NPLOC4: variants seen among roughly 807,000 people sequenced by gnomAD.
The protein encoded by NPLOC4 is NPL4 homolog, ubiquitin recognition factor.
Under a neutral mutation model 80.6 loss-of-function variants are expected in NPLOC4, and 18 were observed. The observed-to-expected ratio is 0.22, with a 90% CI of 0.15 to 0.33. The LOEUF is 0.33. Among genes scored for constraint, NPLOC4 ranks in the 10% least tolerant of loss-of-function variants. The pLI, the probability that NPLOC4 is intolerant of heterozygous loss-of-function variation, is 1.00. For synonymous variants in NPLOC4, 313 were observed against 301.5 expected, an observed-to-expected ratio of 1.04 and a Z score of -0.39; for missense variants, 540 against 786.1, an observed-to-expected ratio of 0.69 and a Z score of 3.74.
chr17:81,616,901 A>G (rs2035509252), intron 3 of NPLOC4, among the ~76,000 whole-genome samples: 1 of 152,196 alleles, frequency 6.6e-6, no homozygotes, highest in South Asian at 2.1e-4. Flanking sequence ...TGAGTGACAG[A>G]GGCTATCCAA....
chr17:81,604,184 T>C (rs903004215), intron 8 of NPLOC4, among the ~76,000 whole-genome samples: 1 of 152,122 alleles, frequency 6.6e-6, no homozygotes, highest in Non-Finnish European at 1.5e-5. Flanking sequence ...GCCTTCTCCA[T>C]GGTTCCTAAG....
intron 2 of NPLOC4, among the ~76,000 whole-genome samples, chr17:81,627,178 CAGG>C (rs1382239476): frequency 6.6e-6 from 1 of 151,120 alleles, no homozygotes; most frequent in Non-Finnish European, 1.5e-5. Flanking sequence ...ATCATGAGGT[CAGG>C]AGATCGAGAC....
intron 3 of NPLOC4, among the ~76,000 whole-genome samples, chr17:81,616,407 G>C (rs190802132): frequency 6.6e-6 from 1 of 151,096 alleles, no homozygotes; most frequent in African/African-American, 2.4e-5. Context: ...AATATAACCT[G>C]TCATAAGAAC....
rs1465024266 is a variant in NPLOC4 at position 81,572,413 on chromosome 17, G to C, written c.1282-325C>G. 6.6e-6 allele frequency among the ~76,000 whole-genome samples: 1 copy of C among 151,860 alleles called. No individual in the cohort carries two copies. The highest frequency in any genetic ancestry group is 2.4e-5 in the African/African-American group (1 of 41,312). On this transcript the variant is annotated intron_variant, in intron 12 of 16. Coordinates refer to ENST00000331134, the MANE Select transcript of NPLOC4 (RefSeq NM_017921.4). This position sits in a 1 kb window ranked among gnomAD's most constrained non-coding sequence, Gnocchi z 4.5. ...TCACTGTGTTTGCCAGGATGGTCTC[G>C]ATCTCCTGACCTCGTGATCCACCCG...
In NPLOC4 at chr17:81,613,427, C is replaced by G. The variant is rs759262681; in HGVS notation, c.277G>C (p.Val93Leu). ...AGPSSEMETS[V>L]PPGFKVFGAP... The stretch of plus-strand genomic sequence containing the variant: ...CCAAAGACTTTGAAGCCCGGTGGAA[C>G]TGACGTCTCCATTTCAGATGAGGGC... The change falls in exon 4 of 17, where the codon GTT becomes CTT. Residue 93 changes from valine to leucine, a missense_variant. This residue lies in a region of NPLOC4 where 74 missense variants were observed against 75.7 expected (regional missense o/e 0.98). Coordinates refer to ENST00000331134, the MANE Select transcript of NPLOC4 (RefSeq NM_017921.4). The G allele has an allele frequency of 6.2e-7, 1 of 1,613,958 alleles. No individual in the cohort carries two copies. Among genetic ancestry groups the G allele is most frequent in the South Asian group, 1.1e-5 (1 of 91,086 alleles).
Position 81,602,206 on chromosome 17 carries a change from C to T in NPLOC4, c.835-1779G>A, listed in dbSNP as rs532171448. Among the ~76,000 whole-genome samples, 10 of 152,086 alleles carry T rather than the reference C, an allele frequency of 6.6e-5. No individual in the cohort carries two copies. The South Asian group carries it at 1.0e-3, about 16-fold the overall frequency. ...GAGGTAAGAGGATCTCGCTCAGGAG[C>T]GAGACCTTGTTTCAAAACAAAACAA... is the stretch of plus-strand genomic sequence containing the variant. On this transcript the variant is annotated intron_variant, in intron 8 of 16. Transcript: ENST00000331134.
intron 11 of NPLOC4, among the ~76,000 whole-genome samples, chr17:81,594,131 C>T (rs559958887): frequency 1.3e-5 from 2 of 151,618 alleles, no homozygotes; most frequent in East Asian, 3.9e-4. Context: ...AAAAATTAGC[C>T]GGGCATGGTA....
intron 1 of NPLOC4, 73 bp downstream of exon 1, chr17:81,636,843 C>A: frequency 7.6e-7 from 1 of 1,320,816 alleles, no homozygotes; most frequent in Non-Finnish European, 9.7e-7. Context: ...GGCCCGCCTC[C>A]CCCACAGGCC....
At chr17:81,590,284 G>A (rs752684846) in intron 11 of NPLOC4, among the ~76,000 whole-genome samples, 17 of 152,018 alleles carry the variant, frequency 1.1e-4, no homozygotes, top group Non-Finnish European at 2.2e-4. Context: ...CCACTCCATC[G>A]AAGCCTCCAG....
intron 16 of NPLOC4, chr17:81,563,685 G>A: frequency 1.0e-5 from 3 of 299,426 alleles, no homozygotes; most frequent in Non-Finnish European, 2.0e-5. Flanking sequence ...TGAGGCTGAG[G>A]TGCAAGGAAT....
chr17:81,584,755 A>G (rs1343064355), intron 12 of NPLOC4, among the ~76,000 whole-genome samples: 3 of 152,266 alleles, frequency 2.0e-5, no homozygotes, highest in South Asian at 2.1e-4. Context: ...TGTAATTTTA[A>G]GATAGTGCTA....
At chr17:81,628,426 T>C (rs530840000) in intron 2 of NPLOC4, among the ~76,000 whole-genome samples, 38 of 150,734 alleles carry the variant, frequency 2.5e-4, no homozygotes, top group South Asian at 1.0e-3. Flanking sequence ...AGGCAGAGGA[T>C]TGCTTGAACC....
At position 81,585,195 on chromosome 17, in the gene NPLOC4, A is replaced by AT. The variant is rs1199896684; in HGVS notation, c.1281+3748_1281+3749insA. The stretch of plus-strand genomic sequence containing the variant: ...CAAAAAAAAAAAAAAAAAAAAAAAA[A>AT]GAGTATGGTATTAGTTCTGGTTTAG... On this transcript the variant is annotated intron_variant, in intron 12 of 16. Coordinates refer to ENST00000331134, the MANE Select transcript of NPLOC4 (RefSeq NM_017921.4). 3.1e-3 allele frequency among the ~76,000 whole-genome samples: 466 copies of AT among 149,386 alleles called. 4 individuals are homozygous for AT. Among genetic ancestry groups the AT allele is most frequent in the Non-Finnish European group, 5.7e-3 (385 of 67,202 alleles).
chr17:81,607,806 G>A (rs2035245516), intron 6 of NPLOC4, among the ~76,000 whole-genome samples: 1 of 152,114 alleles, frequency 6.6e-6, no homozygotes, highest in Non-Finnish European at 1.5e-5. Flanking sequence ...TTTTTCTTCT[G>A]GTCTAACATT....
chr17:81,601,516 C>A (rs992493355), intron 8 of NPLOC4, among the ~76,000 whole-genome samples: 1 of 152,284 alleles, frequency 6.6e-6, no homozygotes, highest in African/African-American at 2.4e-5. Context: ...CTTGCCCCTA[C>A]AAAGTGCTGG....
At chr17:81,612,600 TAC>T (rs933525279) in intron 4 of NPLOC4, 6 of 152,266 alleles carry the variant, frequency 3.9e-5, no homozygotes, top group African/African-American at 1.4e-4. Flanking sequence ...CCGTCACATC[TAC>T]AGAGTGATGC....
At position 81,622,437 on chromosome 17, in the gene NPLOC4, G is replaced by A. The variant is rs181971075; in HGVS notation, c.97-159C>T. On this transcript the variant is annotated intron_variant, in intron 2 of 16. Coordinates refer to ENST00000331134, the MANE Select transcript of NPLOC4 (RefSeq NM_017921.4). The stretch of plus-strand genomic sequence containing the variant: ...CTATTTTGCTCTTTTAAAGAAATTT[G>A]TACTGTTCACAAAGGTGTCAATTAA... 7.2e-5 allele frequency among the ~76,000 whole-genome samples: 11 copies of A among 152,278 alleles called. No homozygotes were observed. In the East Asian group the frequency reaches 1.9e-3, roughly 27 times the overall value.
chr17:81,559,999 T>A (rs1159385750), intron 16 of NPLOC4, among the ~76,000 whole-genome samples: 3 of 151,186 alleles, frequency 2.0e-5, no homozygotes, highest in Non-Finnish European at 4.4e-5. Context: ...CCTCCCAAAG[T>A]GCTGGGATTA....
intron 12 of NPLOC4, among the ~76,000 whole-genome samples, chr17:81,584,520 T>C (rs79459378): frequency 0.12 from 18,293 of 152,198 alleles, 1,280 homozygotes; most frequent in Non-Finnish European, 0.15. Flanking sequence ...TGCTTTACAA[T>C]TAAAAGCAAG....
Sources: allele counts gnomAD v4.1 joint callset (sites outside exome capture counted in the v4.1 genomes callset), GRCh38; gene constraint gnomAD v4.1.1; regional missense constraint gnomAD v4.1.1; non-coding constraint Gnocchi (gnomAD v3.1); transcripts MANE v1.5; gene names NCBI Gene and HGNC (gene_info 2026-07-23, HGNC 2026-07-21).